KYNU: variants seen among roughly 807,000 people sequenced by gnomAD.
The protein encoded by KYNU is kynureninase, also known as L-kynurenine hydrolase.
KYNU carries 54 observed loss-of-function variants against 59.2 expected under a neutral mutation model. The observed-to-expected ratio is 0.91, with a 90% CI of 0.73 to 1.14. The LOEUF is 1.14. Ranked by LOEUF, KYNU falls within the 50% of genes most tolerant of loss-of-function variation. The probability of loss-of-function intolerance (pLI) is 0.00; values close to 1 mark genes in which losing one functional copy is unlikely to be tolerated. For synonymous variants in KYNU, 177 were observed against 192.0 expected (o/e 0.92, Z 0.65); for missense variants, 567 against 554.4 (o/e 1.02, Z -0.23).
chr2:142,892,199 C>T (rs6429991), intron 2 of KYNU, among the ~76,000 whole-genome samples: 18,741 of 152,242 alleles, frequency 0.12, 1,674 homozygotes, highest in African/African-American at 0.24. Context: ...AGGCGTCAGC[C>T]GCCATGCCTG....
intron 10 of KYNU, among the ~76,000 whole-genome samples, chr2:143,002,823 T>C (rs1370001062): frequency 6.6e-6 from 1 of 152,226 alleles, no homozygotes; most frequent in African/African-American, 2.4e-5. Flanking sequence ...AAACATTATG[T>C]GCATAAAATT....
rs909289138 is a variant in KYNU at position 143,046,656 on chromosome 2, A to G, written c.*4484A>G. ...CACTGGCTAATTTGCTTGTTTTTTC[A>G]TCAATACTTCACTTCCTTAATTACT... On this transcript the variant is annotated 3_prime_UTR_variant, in exon 14 of 14. Transcript: ENST00000264170. 6.6e-6 allele frequency: 1 copy of G among 151,854 alleles called. No homozygotes were observed. The highest frequency in any genetic ancestry group is 2.4e-5 in the African/African-American group (1 of 41,374). The allele number at this position is 151,854 out of a possible 1,614,324, so 9.4% of individuals were successfully genotyped here. A position where few individuals can be genotyped will look rare whatever the true frequency, so the allele number is the denominator to read the frequency against.
rs1454020392 is a variant in KYNU, at chr2:143,054,625, G to A, written c.*12453G>A. ...GTAGACTGCACCACTCTGCAGTACA[G>A]TCAGGAAATAAGAAACCAAGTCCAA... On this transcript the variant is annotated 3_prime_UTR_variant, in exon 14 of 14. Coordinates refer to ENST00000264170, the MANE Select transcript of KYNU (RefSeq NM_003937.3). The A allele has an allele frequency of 1.3e-5, 2 of 152,152 alleles. No individual in the cohort carries two copies. The highest frequency in any genetic ancestry group is 2.9e-5 in the Non-Finnish European group (2 of 68,014). The allele number at this position is 152,152 out of a possible 1,614,324, so 9.4% of individuals were successfully genotyped here. A position where few individuals can be genotyped will look rare whatever the true frequency, so the allele number is the denominator to read the frequency against.
intron 8 of KYNU, among the ~76,000 whole-genome samples, chr2:142,981,716 T>G (rs1041449595): frequency 1.3e-5 from 2 of 152,136 alleles, no homozygotes; most frequent in Admixed American, 1.3e-4. Context: ...TATATTGTGC[T>G]GATATATTGT....
At chr2:143,028,404 C>T (rs113807947) in intron 10 of KYNU, among the ~76,000 whole-genome samples, 13,121 of 150,130 alleles carry the variant, frequency 0.087, 783 homozygotes, top group African/African-American at 0.16. Flanking sequence ...CCACCACGCC[C>T]GTCTAATTTT....
chr2:142,895,834 A>C (rs1003911545), intron 2 of KYNU, among the ~76,000 whole-genome samples: 5 of 152,070 alleles, frequency 3.3e-5, no homozygotes, highest in African/African-American at 1.2e-4. Flanking sequence ...ACAGGCGTGC[A>C]CCACCACACC....
At chr2:143,041,391 T>G (rs1687040145) in intron 13 of KYNU, among the ~76,000 whole-genome samples, 1 of 152,086 alleles carries the variant, frequency 6.6e-6, no homozygotes, top group South Asian at 2.1e-4. Flanking sequence ...CTCTGTCCTC[T>G]TTGGAAAGTT....
At chr2:142,989,035 G>C in intron 10 of KYNU, 1 of 671,134 alleles carries the variant, frequency 1.5e-6, no homozygotes, top group Non-Finnish European at 2.6e-6. Context: ...TGAGAAGAGT[G>C]ATAAACAAAG....
chr2:143,027,297 ATTAC>A (rs758571113), intron 10 of KYNU, among the ~76,000 whole-genome samples: 1 of 152,178 alleles, frequency 6.6e-6, no homozygotes, highest in Non-Finnish European at 1.5e-5. Flanking sequence ...GAAAGATTTT[ATTAC>A]TTATTTATTA....
In KYNU at chr2:143,052,872, T is replaced by C. The variant is rs1415512672; in HGVS notation, c.*10700T>C. On this transcript the variant is annotated 3_prime_UTR_variant, in exon 14 of 14. Transcript: ENST00000264170. ...AGTGGAGCTTTGAGAAGAGGGCCAC[T>C]GTCCTCCAGAACTCAGGATGGTAAA... The C allele has an allele frequency of 6.6e-6, 1 of 152,366 alleles. No homozygotes were observed. Among genetic ancestry groups the C allele is most frequent in the Non-Finnish European group, 1.5e-5 (1 of 68,150 alleles). The allele number at this position is 152,366 out of a possible 1,614,324, so 9.4% of individuals were successfully genotyped here.
At chr2:143,000,570 G>A (rs1227449499) in intron 10 of KYNU, among the ~76,000 whole-genome samples, 1 of 152,168 alleles carries the variant, frequency 6.6e-6, no homozygotes, top group Non-Finnish European at 1.5e-5. Flanking sequence ...CAAAGAAAAT[G>A]TTGGGGTATT....
chr2:142,928,599 G>GA (rs1374622258), intron 4 of KYNU, among the ~76,000 whole-genome samples: 9 of 152,082 alleles, frequency 5.9e-5, no homozygotes, highest in East Asian at 5.8e-4. Context: ...CTTATGCATA[G>GA]AAAAAACTAT....
At chr2:143,021,001 C>T (rs140275318) in intron 10 of KYNU, among the ~76,000 whole-genome samples, 74 of 152,202 alleles carry the variant, frequency 4.9e-4, no homozygotes, top group African/African-American at 1.7e-3. Flanking sequence ...ACAATGGTAT[C>T]GCAATGTAGT....
intron 12 of KYNU, among the ~76,000 whole-genome samples, chr2:143,037,336 A>G (rs945491094): frequency 6.6e-6 from 1 of 152,198 alleles, no homozygotes; most frequent in Non-Finnish European, 1.5e-5. Flanking sequence ...TTAAATTTAA[A>G]CAATACGTAT....
intron 10 of KYNU, among the ~76,000 whole-genome samples, chr2:143,003,952 C>G (rs1226378113): frequency 1.3e-5 from 2 of 152,202 alleles, no homozygotes; most frequent in African/African-American, 4.8e-5. Context: ...AATAGGGCTT[C>G]TGACTTCTAA....
chr2:143,052,575 G>T lies in KYNU; in HGVS notation c.*10403G>T, dbSNP rs1233640142. 2 of 152,222 alleles carry T rather than the reference G, an allele frequency of 1.3e-5. No individual in the cohort carries two copies. Among genetic ancestry groups the T allele is most frequent in the African/African-American group, 2.4e-5 (1 of 41,388 alleles). The allele number at this position is 152,222 out of a possible 1,614,324, so 9.4% of individuals were successfully genotyped here. ...CAGCAGCTCCATCCATGACTAAAAG[G>T]GGCCAAGGTACAGCTTGGGCTGTGG... On this transcript the variant is annotated 3_prime_UTR_variant, in exon 14 of 14. Transcript: ENST00000264170.
chr2:142,988,795 G>C (rs370103624), intron 10 of KYNU: 1 of 1,292,844 alleles, frequency 7.7e-7, no homozygotes, highest in African/African-American at 1.5e-5. Context: ...TTCTAGCCTT[G>C]GCTCTCTATT....
At chr2:142,943,790 C>G (rs1683684708) in intron 4 of KYNU, among the ~76,000 whole-genome samples, 1 of 152,164 alleles carries the variant, frequency 6.6e-6, no homozygotes, top group South Asian at 2.1e-4. Flanking sequence ...CATGTACCAG[C>G]CACCTCTAAA....
rs149825072 is a variant in KYNU at position 142,943,659 on chromosome 2, G to A, written c.374-11151G>A. On this transcript the variant is annotated intron_variant, in intron 4 of 13. Transcript: ENST00000264170. ...AAAAATCACACAGCGTTAGCTACAT[G>A]CATTCAAGGTTATAAAAATGGTGTA... 5.7e-3 allele frequency among the ~76,000 whole-genome samples: 869 copies of A among 152,198 alleles called. 5 individuals carry two copies. The highest frequency in any genetic ancestry group is 0.017 in the Middle Eastern group (5 of 294).
Sources: allele counts gnomAD v4.1 joint callset (sites outside exome capture counted in the v4.1 genomes callset), GRCh38; gene constraint gnomAD v4.1.1; transcripts MANE v1.5; gene names NCBI Gene and HGNC (gene_info 2026-07-23, HGNC 2026-07-21).